The following BAIAP2L2 variants were observed in gnomAD, a reference collection of about 807,000 sequenced individuals.
BAIAP2L2 encodes the protein BAR/IMD domain-containing adapter protein 2-like 2.
A neutral mutation model predicts 60.4 loss-of-function variants in BAIAP2L2; 65 were observed. That is an observed-to-expected ratio of 1.08 (90% CI 0.88 to 1.32). BAIAP2L2 has a LOEUF of 1.32. Ranked by LOEUF, BAIAP2L2 falls within the 40% of genes most tolerant of loss-of-function variation. BAIAP2L2 has a pLI of 0.00. For missense variants in BAIAP2L2, 836 were observed against 741.2 expected (o/e 1.13, Z -1.48); for synonymous variants, 344 against 301.7 (o/e 1.14, Z -1.45).
Position 38,107,322 on chromosome 22 carries a change from G to A in BAIAP2L2, c.276+530C>T, listed in dbSNP as rs552608226. 5.3e-5 allele frequency among the ~76,000 whole-genome samples: 8 copies of A among 152,258 alleles called. No individual in the cohort carries two copies. In the East Asian group the frequency reaches 1.2e-3, roughly 22 times the overall value. On this transcript the variant is annotated intron_variant, in intron 4 of 13. Coordinates refer to ENST00000381669, the MANE Select transcript of BAIAP2L2 (RefSeq NM_025045.6). ...TGGCTCTAGGCTGAGAGGACAGCAGGACAGCAGCCCCGCAGCGGGGACACC... is the reference window on the plus strand; with the variant it reads ...TGGCTCTAGGCTGAGAGGACAGCAGAACAGCAGCCCCGCAGCGGGGACACC...
chr22:38,087,690 C>T (rs769722150), intron 10 of BAIAP2L2, among the ~76,000 whole-genome samples: 12 of 152,014 alleles, frequency 7.9e-5, no homozygotes, highest in African/African-American at 2.4e-4. Flanking sequence ...TGTGGTCACC[C>T]GCCCAGCTAT....
intron 10 of BAIAP2L2, among the ~76,000 whole-genome samples, chr22:38,087,906 T>G (rs2086148047): frequency 7.2e-6 from 1 of 138,734 alleles, no homozygotes. Context: ...CCCCCGCCAT[T>G]TAAGGCCATC....
In BAIAP2L2 at chr22:38,085,039, C is replaced by T. The variant is rs1199440061; in HGVS notation, c.*261G>A. 5.9e-5 allele frequency: 27 copies of T among 454,434 alleles called. No homozygotes were observed. The East Asian group carries it at 1.1e-3, about 19-fold the overall frequency. 28.2% of individuals were successfully genotyped at this position (454,434 alleles called of 1,614,324 possible). A position where few individuals can be genotyped will look rare whatever the true frequency, so the allele number is the denominator to read the frequency against. ...AGAGGTTAGGGGGCAAGAGGTGGGC[C>T]CCCCAGGGAGAGTCCTGGAGCCCCT... On this transcript the variant is annotated 3_prime_UTR_variant, in exon 14 of 14. Coordinates refer to ENST00000381669, the MANE Select transcript of BAIAP2L2 (RefSeq NM_025045.6).
intron 7 of BAIAP2L2, among the ~76,000 whole-genome samples, chr22:38,092,892 G>A (rs1292349798): frequency 6.6e-6 from 1 of 152,178 alleles, no homozygotes; most frequent in Non-Finnish European, 1.5e-5. Context: ...GGCCGGGCGC[G>A]GTGGCTCACA....
intron 3 of BAIAP2L2, 103 bp downstream of exon 3, chr22:38,108,152 C>T (rs1234123500): frequency 2.6e-6 from 3 of 1,174,698 alleles, no homozygotes; most frequent in Non-Finnish European, 3.7e-6. Context: ...GGCTCTGGGC[C>T]CTGGGCTGAA....
At chr22:38,087,633 G>A (rs77732452) in intron 10 of BAIAP2L2, among the ~76,000 whole-genome samples, 1,966 of 151,960 alleles carry the variant, frequency 0.013, 39 homozygotes, top group African/African-American at 0.045. Context: ...TATCGTTGGC[G>A]TTCTCAGTCA....
chr22:38,096,926 G>A, intron 7 of BAIAP2L2, 106 bp downstream of exon 7: 1 of 1,293,278 alleles, frequency 7.7e-7, no homozygotes, highest in Admixed American at 2.6e-5. Context: ...CAGACAGGCA[G>A]GCAGGGAGGG....
In BAIAP2L2 at chr22:38,087,108, CT is replaced by C. The variant is rs1446132759; in HGVS notation, c.1259+15del. The C allele has an allele frequency of 9.1e-6, 14 of 1,546,770 alleles. No individual in the cohort carries two copies. The African/African-American group carries it at 1.3e-4, about 14-fold the overall frequency. ...CGGCGTCCTCACCCCCGCCCCACCC[CT>C]GATGACTCAGGTACCTGGAAGGCAG... On this transcript the variant is annotated intron_variant, in intron 11 of 13. Coordinates refer to ENST00000381669, the MANE Select transcript of BAIAP2L2 (RefSeq NM_025045.6).
chr22:38,086,205 C>T (rs751167548), intron 12 of BAIAP2L2, 37 bp downstream of exon 12: 153 of 1,590,686 alleles, frequency 9.6e-5, no homozygotes, highest in Non-Finnish European at 1.2e-4. Context: ...CCTCCCTGCC[C>T]GCTGGAGGCC....
chr22:38,092,106 C>G (rs113681248), intron 7 of BAIAP2L2, among the ~76,000 whole-genome samples: 1 of 152,314 alleles, frequency 6.6e-6, no homozygotes, highest in South Asian at 2.1e-4. Flanking sequence ...GGAATTTATC[C>G]TGGAGATACA....
chr22:38,102,060 G>T (rs1265600221), intron 4 of BAIAP2L2, among the ~76,000 whole-genome samples: 1 of 152,154 alleles, frequency 6.6e-6, no homozygotes, highest in Non-Finnish European at 1.5e-5. Flanking sequence ...CTGAGCACAG[G>T]TGCACCCCGA....
chr22:38,107,823 C>G lies in BAIAP2L2; in HGVS notation c.276+29G>C, dbSNP rs1043597037. The stretch of plus-strand genomic sequence containing the variant: ...ACATAGCCCACTTTCCTCGAGTGAC[C>G]CCTCCAGGCCCTGGGGCCTGATACT... On this transcript the variant is annotated intron_variant, in intron 4 of 13. Transcript: ENST00000381669. The G allele has an allele frequency of 3.1e-6, 5 of 1,606,336 alleles. No homozygotes were observed. The Admixed American group carries it at 8.3e-5, about 27-fold the overall frequency.
intron 4 of BAIAP2L2, among the ~76,000 whole-genome samples, chr22:38,103,078 C>T (rs1052270419): frequency 6.6e-5 from 10 of 151,088 alleles, no homozygotes; most frequent in Non-Finnish European, 1.2e-4. Context: ...TAGCCAGGCA[C>T]GGTGGCATTT....
At chr22:38,103,051 T>TAA (rs759453514) in intron 4 of BAIAP2L2, among the ~76,000 whole-genome samples, 67 of 132,996 alleles carry the variant, frequency 5.0e-4, no homozygotes, top group African/African-American at 1.8e-3. Context: ...ATCTCAAAAT[T>TAA]AAAAAAAAAA....
chr22:38,096,732 G>A (rs756889179), intron 7 of BAIAP2L2, among the ~76,000 whole-genome samples: 1 of 152,184 alleles, frequency 6.6e-6, no homozygotes, highest in Non-Finnish European at 1.5e-5. Context: ...TTTGTGAATT[G>A]TGAGAATATA....
chr22:38,087,061 C>T (rs1404504635), intron 11 of BAIAP2L2, 63 bp downstream of exon 11: 21 of 1,462,048 alleles, frequency 1.4e-5, no homozygotes, highest in Admixed American at 6.1e-5. Context: ...AGATCCTCTC[C>T]GCTGGGCAGT....
chr22:38,089,754 C>T, intron 7 of BAIAP2L2, 80 bp from the exon 8 acceptor site: 1 of 1,193,278 alleles, frequency 8.4e-7, no homozygotes, highest in Admixed American at 4.3e-5. Flanking sequence ...CACCCTCGAC[C>T]TGAGAGCTCA....
chr22:38,090,469 C>G (rs1189222735), intron 7 of BAIAP2L2: 1 of 151,802 alleles, frequency 6.6e-6, no homozygotes, highest in African/African-American at 2.4e-5. Context: ...ATAATAAAAT[C>G]CCAGGTACAA....
At position 38,107,967 on chromosome 22, in the gene BAIAP2L2, C is replaced by T. The variant is rs1221085607; in HGVS notation, c.215-54G>A. On this transcript the variant is annotated intron_variant, in intron 3 of 13. Transcript: ENST00000381669. Reference sequence around the variant, plus strand: ...GGTGTGTGGCAGCCTGCCCCGCCCACCCACCACCCTCTTCCGCTGAAAGCC... The same window carrying T: ...GGTGTGTGGCAGCCTGCCCCGCCCATCCACCACCCTCTTCCGCTGAAAGCC... 7 of 1,565,772 alleles carry T rather than the reference C, an allele frequency of 4.5e-6. No individual in the cohort carries two copies. The African/African-American group carries it at 9.5e-5, about 21-fold the overall frequency.
Sources: gnomAD v4.1 joint callset for allele counts (sites outside exome capture counted in the v4.1 genomes callset) on GRCh38, gnomAD v4.1.1 for gene constraint, MANE v1.5 for transcripts, NCBI Gene and HGNC (gene_info 2026-07-23, HGNC 2026-07-21) for gene names.